The following XKR5 variants were observed in gnomAD, a reference collection of about 807,000 sequenced individuals.
XKR5 encodes XK-related protein 5.
In XKR5, 46 loss-of-function variants were observed where a neutral mutation model predicts 40.8. The ratio of observed to expected loss-of-function variants is 1.13; its 90% CI spans 0.89 to 1.44. The LOEUF (loss-of-function observed/expected upper bound fraction) is 1.44, where lower values mean the gene tolerates loss of function less well. XKR5 is among the 40% of genes most tolerant of loss of function. The pLI is 0.00. For synonymous variants in XKR5, 466 were observed against 356.1 expected, an observed-to-expected ratio of 1.31 and a Z score of -3.48; for missense variants, 1,169 against 844.7, an observed-to-expected ratio of 1.38 and a Z score of -4.76.
intron 4 of XKR5, among the ~76,000 whole-genome samples, 184 bp from the exon 5 acceptor site, chr8:6,822,222 A>G (rs1036441769): frequency 3.3e-5 from 5 of 152,242 alleles, no homozygotes; most frequent in Non-Finnish European, 7.3e-5. Flanking sequence ...CTTTGCATGT[A>G]TTATCCCATT....
chr8:6,818,322 C>G (rs1804060699), intron 5 of XKR5, among the ~76,000 whole-genome samples: 3 of 152,202 alleles, frequency 2.0e-5, no homozygotes, highest in African/African-American at 4.8e-5. Context: ...TCTGTAAACC[C>G]TTCCCTGACT....
At chr8:6,825,997 T>C (rs1250913710) in intron 2 of XKR5, among the ~76,000 whole-genome samples, 3 of 152,130 alleles carry the variant, frequency 2.0e-5, no homozygotes, top group Non-Finnish European at 4.4e-5. Flanking sequence ...GTTTGGATTT[T>C]GCTCTGGAAA....
At chr8:6,823,803 A>G (rs528097924) in intron 3 of XKR5, 73 bp from the exon 4 acceptor site, 2 of 1,311,144 alleles carry the variant, frequency 1.5e-6, no homozygotes, top group Admixed American at 2.0e-5. Flanking sequence ...AGATTCACTC[A>G]TGGCATTTCT....
At chr8:6,833,332 C>G (rs1163078434) in intron 1 of XKR5, among the ~76,000 whole-genome samples, 5 of 152,258 alleles carry the variant, frequency 3.3e-5, no homozygotes, top group African/African-American at 1.2e-4. Flanking sequence ...TGCCTCCTGA[C>G]CACCCTGGTG....
intron 5 of XKR5, among the ~76,000 whole-genome samples, chr8:6,818,811 G>C (rs1328257478): frequency 6.6e-6 from 1 of 152,186 alleles, no homozygotes; most frequent in African/African-American, 2.4e-5. Flanking sequence ...CCCAGCCCCT[G>C]CCAGACCGTT....
At chr8:6,823,885 G>T (rs1435193341) in intron 3 of XKR5, among the ~76,000 whole-genome samples, 155 bp from the exon 4 acceptor site, 1 of 152,234 alleles carries the variant, frequency 6.6e-6, no homozygotes, top group African/African-American at 2.4e-5. Context: ...ACTTTGACCA[G>T]TAGGTAACAT....
intron 2 of XKR5, among the ~76,000 whole-genome samples, chr8:6,826,137 G>A (rs528373803): frequency 6.6e-6 from 1 of 150,932 alleles, no homozygotes; most frequent in Non-Finnish European, 1.5e-5. Context: ...ACATGTGCTT[G>A]TGTGTGTGTG....
chr8:6,834,564 C>G (rs902705238), intron 1 of XKR5, among the ~76,000 whole-genome samples: 1 of 152,228 alleles, frequency 6.6e-6, no homozygotes, highest in African/African-American at 2.4e-5. Flanking sequence ...AGGGCGCTTG[C>G]GCGTCCTCCG....
intron 1 of XKR5, among the ~76,000 whole-genome samples, chr8:6,835,229 G>A (rs553816457): frequency 1.3e-5 from 2 of 152,030 alleles, no homozygotes; most frequent in African/African-American, 4.8e-5. Context: ...TGCATCCTTG[G>A]GGGGATGGTG....
Position 6,835,450 on chromosome 8 carries a change from G to T in XKR5, c.44C>A (p.Ala15Asp), listed in dbSNP as rs562804999. The change falls in exon 1 of 7, where the codon GCC (alanine) becomes GAC (aspartate). Residue 15 changes from alanine (A) to aspartate (D), a missense_variant. Physicochemically the swap from Ala to Asp is moderately radical, Grantham distance 126. Coordinates refer to ENST00000618742, the MANE Select transcript of XKR5 (RefSeq NM_207411.5). ...GCCGCACTCACGCGCGCTCTGCTCG[G>T]CCGCCTGCAGCAGGGCCGAGAGCCC... is the stretch of plus-strand genomic sequence containing the variant. ...LLGLSALLQA[A>D]EQSARLYTVA... 55 of 1,496,876 alleles carry T rather than the reference G, an allele frequency of 3.7e-5. No homozygotes were observed. The South Asian group carries it at 6.5e-4, about 18-fold the overall frequency. The allele number at this position is 1,496,876 out of a possible 1,614,324, so 92.7% of individuals were successfully genotyped here.
At position 6,821,870 on chromosome 8, in the gene XKR5, A is replaced by T. The variant is rs1333676353; in HGVS notation, c.806T>A (p.Met269Lys). ...PSRNRMVTFY[M>K]VMLLENIILL... ...AGGATAAAGAAAAGTGCCACTTGCC[A>T]TGTAGAACGTGACCATCCTATTTCT... is the stretch of plus-strand genomic sequence containing the variant. Residue 269 changes from methionine (M) to lysine (K), a missense_variant and splice_region_variant, in exon 5 of 7, where the codon ATG becomes AAG. Physicochemically the swap from Met to Lys is moderately conservative, Grantham distance 95. Transcript: ENST00000618742. 6.2e-7 allele frequency: 1 copy of T among 1,613,002 alleles called. No homozygotes were observed.
Position 6,811,109 on chromosome 8 carries a change from C to A in XKR5, c.*89G>T, listed in dbSNP as rs940211566. 3 of 1,275,748 alleles carry A rather than the reference C, an allele frequency of 2.4e-6. No homozygotes were observed. Among genetic ancestry groups the A allele is most frequent in the Admixed American group, 5.1e-5 (2 of 39,172 alleles). 79.0% of individuals were successfully genotyped at this position (1,275,748 alleles called of 1,614,324 possible). A position where few individuals can be genotyped will look rare whatever the true frequency, so the allele number is the denominator to read the frequency against. Reference sequence around the variant, plus strand: ...GGTGACAGTGATGTGCCCAAGGACACAGGTGTCAGAAGTGGGATTTCCTTT... The same window carrying A: ...GGTGACAGTGATGTGCCCAAGGACAAAGGTGTCAGAAGTGGGATTTCCTTT... On this transcript the variant is annotated 3_prime_UTR_variant, in exon 7 of 7. Coordinates refer to ENST00000618742, the MANE Select transcript of XKR5 (RefSeq NM_207411.5).
chr8:6,832,260 C>T lies in XKR5; in HGVS notation c.242+457G>A, dbSNP rs192614593. ...TCTTTAGAGAAAAAACTAGCCCTGG[C>T]ATCCAAATGACTTTTTCCTGAGACG... is the stretch of plus-strand genomic sequence containing the variant. On this transcript the variant is annotated intron_variant, in intron 2 of 6. Transcript: ENST00000618742. 1.5e-3 allele frequency among the ~76,000 whole-genome samples: 227 copies of T among 152,098 alleles called. 3 individuals carry two copies. The highest frequency in any genetic ancestry group is 1.3e-3 in the East Asian group (7 of 5,186).
At position 6,810,699 on chromosome 8, in the gene XKR5, C is replaced by T. The variant is rs1326070424; in HGVS notation, c.*499G>A. The T allele has an allele frequency of 2.0e-5, 3 of 152,836 alleles. No homozygotes were observed. The highest frequency in any genetic ancestry group is 6.5e-5 in the Admixed American group (1 of 15,350). 9.5% of individuals were successfully genotyped at this position (152,836 alleles called of 1,614,324 possible). On this transcript the variant is annotated 3_prime_UTR_variant, in exon 7 of 7. Coordinates refer to ENST00000618742, the MANE Select transcript of XKR5 (RefSeq NM_207411.5). ...GCACTTTCAGTTATGTTAGTTATTA[C>T]AAGCACACAGGCCTTACCTACTCCC...
rs1325765011 is a variant in XKR5, at chr8:6,823,729, C to A, written c.429G>T (p.Gly143=). 1 of 1,572,342 alleles carries A rather than the reference C, an allele frequency of 6.4e-7. No homozygotes were observed. Among genetic ancestry groups the A allele is most frequent in the Non-Finnish European group, 8.6e-7 (1 of 1,159,062 alleles). ...LASDFTDIVP[G]VSTLFSWSSL... ...AGGACCAGGAAAACAGGGTGCTCAC[C>A]CCTGAAAGGGAAGCAGAAAGATGTG... Residue 143 remains glycine, a splice_region_variant and synonymous_variant, in exon 4 of 7, where the codon GGG becomes GGT. Transcript: ENST00000618742.
chr8:6,831,900 G>A (rs2741096), intron 2 of XKR5, among the ~76,000 whole-genome samples: 3,370 of 150,526 alleles, frequency 0.022, 131 homozygotes, highest in African/African-American at 0.078. Flanking sequence ...CTGTAGTCCC[G>A]CCTACTCAAC....
intron 5 of XKR5, among the ~76,000 whole-genome samples, chr8:6,821,197 A>T (rs1804211648): frequency 6.6e-6 from 1 of 152,162 alleles, no homozygotes; most frequent in Non-Finnish European, 1.5e-5. Flanking sequence ...ATGCCCCACC[A>T]ATGTGATTGT....
rs1259026370 is a variant in XKR5, at chr8:6,812,112, C to G, written c.1147G>C (p.Val383Leu). The part of the protein sequence containing the change: ...ILGKPPTPEQ[V>L]PPEAGLGTQV... ...GTCCCCAGCCCAGCCTCTGGGGGGACCTGCTCAGGGGTAGGGGGCTTCCCT... is the reference window on the plus strand; with the variant it reads ...GTCCCCAGCCCAGCCTCTGGGGGGAGCTGCTCAGGGGTAGGGGGCTTCCCT... Residue 383 changes from valine to leucine, a missense_variant, in exon 7 of 7, where the codon GTC becomes CTC. Coordinates refer to ENST00000618742, the MANE Select transcript of XKR5 (RefSeq NM_207411.5). The G allele has an allele frequency of 6.5e-7, 1 of 1,546,904 alleles. No individual in the cohort carries two copies. The highest frequency in any genetic ancestry group is 2.4e-5 in the East Asian group (1 of 40,924).
At chr8:6,833,726 C>CAAAAG (rs1350697008) in intron 1 of XKR5, among the ~76,000 whole-genome samples, 3 of 152,094 alleles carry the variant, frequency 2.0e-5, no homozygotes, top group African/African-American at 7.2e-5. Flanking sequence ...CAAAACAAAA[C>CAAAAG]AAAACAGTAA....
Sources: allele counts gnomAD v4.1 joint callset (sites outside exome capture counted in the v4.1 genomes callset), GRCh38; gene constraint gnomAD v4.1.1; transcripts MANE v1.5; gene names NCBI Gene and HGNC (gene_info 2026-07-23, HGNC 2026-07-21).